Variants in HECW2 observed in about 807,000 individuals in gnomAD.
HECW2 encodes E3 ubiquitin-protein ligase HECW2.
HECW2 carries 61 observed loss-of-function variants against 175.2 expected under a neutral mutation model. The observed-to-expected ratio is 0.35, with a 90% confidence interval of 0.28 to 0.43. The LOEUF is 0.43. HECW2 is among the 20% of genes least tolerant of loss of function. The pLI, the probability that HECW2 is intolerant of heterozygous loss-of-function variation, is 1.00. For synonymous variants in HECW2, 671 were observed against 731.0 expected (o/e 0.92, Z 1.32); for missense variants, 1,524 against 2,000.5 (o/e 0.76, Z 4.54).
chr2:196,236,936 C>T (rs934826077), intron 21 of HECW2, among the ~76,000 whole-genome samples: 4 of 152,214 alleles, frequency 2.6e-5, no homozygotes, highest in Non-Finnish European at 5.9e-5. Flanking sequence ...GGAATAAAGT[C>T]ACTATGCACA....
At chr2:196,362,765 GT>G (rs1693633591) in intron 2 of HECW2, among the ~76,000 whole-genome samples, 2 of 152,116 alleles carry the variant, frequency 1.3e-5, no homozygotes, top group Non-Finnish European at 2.9e-5. Flanking sequence ...GAAATCCCCA[GT>G]CCAGATCCAC....
chr2:196,381,173 T>TA (rs1172997758), intron 2 of HECW2, among the ~76,000 whole-genome samples: 3 of 152,158 alleles, frequency 2.0e-5, no homozygotes. Context: ...TTAGAAAGTC[T>TA]AAAGTCCCTT....
intron 28 of HECW2, among the ~76,000 whole-genome samples, chr2:196,212,013 T>C (rs959905415): frequency 1.3e-5 from 2 of 152,128 alleles, no homozygotes; most frequent in Non-Finnish European, 2.9e-5. Context: ...ATTTTTGTAT[T>C]TTTAGTAGAG....
chr2:196,307,096 A>T, intron 12 of HECW2, 34 bp downstream of exon 12: 1 of 1,435,962 alleles, frequency 7.0e-7, no homozygotes, highest in Non-Finnish European at 9.8e-7. Context: ...TTCCACTTTT[A>T]TGAAATTACA....
intron 2 of HECW2, among the ~76,000 whole-genome samples, chr2:196,429,787 G>A (rs1695654849): frequency 6.6e-6 from 1 of 152,148 alleles, no homozygotes; most frequent in Non-Finnish European, 1.5e-5. Flanking sequence ...TGAGTCAACC[G>A]GAGTACTAGA....
chr2:196,293,644 T>C (rs138888505), intron 13 of HECW2, among the ~76,000 whole-genome samples: 1 of 152,310 alleles, frequency 6.6e-6, no homozygotes, highest in African/African-American at 2.4e-5. Flanking sequence ...TCACTGCACA[T>C]GGGCCATTAA....
intron 19 of HECW2, among the ~76,000 whole-genome samples, chr2:196,248,336 A>C (rs745591586): frequency 6.6e-6 from 1 of 152,182 alleles, no homozygotes; most frequent in Non-Finnish European, 1.5e-5. Context: ...GAGACTAACA[A>C]CACAAAAAGT....
At chr2:196,228,061 G>T in intron 22 of HECW2, 41 bp downstream of exon 22, 2 of 1,476,246 alleles carry the variant, frequency 1.4e-6, no homozygotes, top group Non-Finnish European at 1.8e-6. Context: ...TAATATCATA[G>T]GAAATCGCCT....
intron 21 of HECW2, 83 bp downstream of exon 21, chr2:196,240,366 T>G: frequency 1.0e-6 from 1 of 974,514 alleles, no homozygotes; most frequent in Non-Finnish European, 1.5e-6. Context: ...ATTTCCTGTT[T>G]CAGGCAACCA....
chr2:196,426,680 G>A (rs529613967), intron 2 of HECW2, among the ~76,000 whole-genome samples: 36 of 152,176 alleles, frequency 2.4e-4, no homozygotes, highest in African/African-American at 8.2e-4. Flanking sequence ...TGGGAAATAC[G>A]AGACTACAAT....
At chr2:196,326,448 AT>A (rs11455303) in intron 5 of HECW2, among the ~76,000 whole-genome samples, 124 of 145,536 alleles carry the variant, frequency 8.5e-4, no homozygotes, top group African/African-American at 8.4e-4. Flanking sequence ...ACTAAGAGCA[AT>A]TTTTTTTTTT....
intron 1 of HECW2, among the ~76,000 whole-genome samples, chr2:196,509,457 G>A (rs1333654892): frequency 3.3e-5 from 5 of 152,230 alleles, no homozygotes; most frequent in African/African-American, 1.2e-4. Context: ...AAGTCAAGGA[G>A]TAGGGCTGGG....
chr2:196,565,686 TAAC>T (rs1559178473), intron 1 of HECW2, among the ~76,000 whole-genome samples: 1 of 152,150 alleles, frequency 6.6e-6, no homozygotes, highest in Non-Finnish European at 1.5e-5. Context: ...TAATGAACCT[TAAC>T]AATTAACTGG....
chr2:196,235,259 A>G (rs111669384), intron 21 of HECW2, among the ~76,000 whole-genome samples: 7,547 of 151,772 alleles, frequency 0.05, 605 homozygotes, highest in African/African-American at 0.17. Flanking sequence ...CACCATGCCC[A>G]GCTAATTTTT....
chr2:196,469,130 T>TGC (rs71970137), intron 1 of HECW2, among the ~76,000 whole-genome samples: 4 of 137,010 alleles, frequency 2.9e-5, no homozygotes, highest in Non-Finnish European at 6.0e-5. Flanking sequence ...CGTGTGTGTG[T>TGC]GTGTGTGTGT....
chr2:196,233,038 C>G (rs184823121), intron 21 of HECW2, among the ~76,000 whole-genome samples: 208 of 152,298 alleles, frequency 1.4e-3, no homozygotes, highest in African/African-American at 4.8e-3. Flanking sequence ...GCCTAGCTAA[C>G]TCAGTAAAAC....
At chr2:196,389,528 C>T (rs1240596484) in intron 2 of HECW2, among the ~76,000 whole-genome samples, 4 of 152,290 alleles carry the variant, frequency 2.6e-5, no homozygotes, top group Non-Finnish European at 4.4e-5. Context: ...CCCAGGAACA[C>T]TTTATAACAG....
Position 196,279,789 on chromosome 2 carries a change from C to T in HECW2, c.3001-1127G>A, listed in dbSNP as rs117066598. ...ACTTTGGGTAAGTCACTTAAGTTCT[C>T]TGAGCTATATGTTTCTTACAAAAAC... On this transcript the variant is annotated intron_variant, in intron 14 of 28. Transcript: ENST00000644978. Among the ~76,000 whole-genome samples the T allele has an allele frequency of 5.4e-3, 827 of 152,332 alleles. 7 individuals carry two copies. The highest frequency in any genetic ancestry group is 0.02 in the Middle Eastern group (6 of 294).
intron 1 of HECW2, among the ~76,000 whole-genome samples, chr2:196,592,993 G>A (rs1691263071): frequency 6.6e-6 from 1 of 151,704 alleles, no homozygotes; most frequent in Non-Finnish European, 1.5e-5. Context: ...TGCAGTCCCC[G>A]ACCCCGAGAC....
Sources: allele counts gnomAD v4.1 joint callset (sites outside exome capture counted in the v4.1 genomes callset), GRCh38; gene constraint gnomAD v4.1.1; transcripts MANE v1.5; gene names NCBI Gene and HGNC (gene_info 2026-07-23, HGNC 2026-07-21).